Variants in AGMO observed in about 807,000 individuals in gnomAD.
AGMO encodes the protein alkylglycerol monooxygenase, also known as glyceryl-ether monooxygenase.
Under a neutral mutation model 60.2 loss-of-function variants are expected in AGMO, and 75 were observed. The ratio of observed to expected loss-of-function variants is 1.25; its 90% CI spans 1.03 to 1.51. The LOEUF (loss-of-function observed/expected upper bound fraction) is 1.51, where lower values mean the gene tolerates loss of function less well. Ranked by LOEUF, AGMO falls within the 40% of genes most tolerant of loss-of-function variation. AGMO has a pLI of 0.00. For synonymous variants in AGMO, 261 were observed against 177.1 expected (o/e 1.47, Z -3.76); for missense variants, 763 against 525.5 (o/e 1.45, Z -4.42).
At position 15,544,756 on chromosome 7, in the gene AGMO, C is replaced by A; in HGVS notation, c.409+16G>T. On this transcript the variant is annotated intron_variant, in intron 3 of 12. Transcript: ENST00000342526. ...GTTCAACATAAGTTAACAAAAAGTC[C>A]TCATTTGCAGCTTACCATGAGCCAT... The A allele has an allele frequency of 6.4e-7, 1 of 1,553,568 alleles. No homozygotes were observed.
At chr7:15,248,232 CTTCAA>C (rs1157651072) in intron 12 of AGMO, among the ~76,000 whole-genome samples, 1 of 53,128 alleles carries the variant, frequency 1.9e-5, no homozygotes, top group African/African-American at 4.5e-5. Flanking sequence ...ATATCTTCAT[CTTCAA>C]TTCTAGTCTA....
At chr7:15,198,119 T>C (rs1314106162), downstream of AGMO, among the ~76,000 whole-genome samples, 1 of 151,912 alleles carries the variant, frequency 6.6e-6, no homozygotes, top group Non-Finnish European at 1.5e-5. Flanking sequence ...AATATCTTCA[T>C]ATGATTTGCA....
chr7:15,359,850 G>A (rs1782683706), intron 12 of AGMO, among the ~76,000 whole-genome samples: 2 of 152,170 alleles, frequency 1.3e-5, no homozygotes, highest in South Asian at 4.1e-4. Flanking sequence ...CCATATGATA[G>A]TGTATTTGAA....
intron 3 of AGMO, among the ~76,000 whole-genome samples, chr7:15,469,437 T>C (rs912230658): frequency 6.6e-6 from 1 of 152,152 alleles, no homozygotes; most frequent in Non-Finnish European, 1.5e-5. Context: ...ATCTATGTAC[T>C]GTACCATTGA....
chr7:15,184,408 G>GGAGGTAA, the AGMO span, among the ~76,000 whole-genome samples: 1 of 2,908 alleles, frequency 3.4e-4, no homozygotes, highest in African/African-American at 3.6e-3. Flanking sequence ...AGGAAGAAAG[G>GGAGGTAA]GAAGGAAGGA....
At chr7:15,215,613 T>C (rs1781714052) in intron 12 of AGMO, among the ~76,000 whole-genome samples, 1 of 152,138 alleles carries the variant, frequency 6.6e-6, no homozygotes, top group Non-Finnish European at 1.5e-5. Flanking sequence ...TGTATGAATC[T>C]AATTCCTGCT....
the AGMO span, among the ~76,000 whole-genome samples, chr7:15,156,298 G>A: frequency 6.0e-4 from 92 of 152,312 alleles, no homozygotes; most frequent in African/African-American, 2.1e-3. Flanking sequence ...GTGGCTGCTG[G>A]CAAGCTGAGG....
intron 3 of AGMO, among the ~76,000 whole-genome samples, chr7:15,518,060 T>A (rs561404343): frequency 6.6e-6 from 1 of 152,074 alleles, no homozygotes; most frequent in Admixed American, 6.6e-5. Flanking sequence ...AATTTCGGAC[T>A]GGGCGGAGCC....
chr7:15,201,350 A>G lies in AGMO; in HGVS notation c.1273T>C (p.Ser425Pro). 6.2e-7 allele frequency: 1 copy of G among 1,611,878 alleles called. No homozygotes were observed. The highest frequency in any genetic ancestry group is 8.5e-7 in the Non-Finnish European group (1 of 1,178,722). ...ACTCCCCAGAAAGCAATGCAAATGG[A>G]AAAAACAATCTGAAGAAATAAAACA... ...SLSSAFEIVF[S>P]ICIAFWGVRS... The change falls in exon 13 of 13, where the codon TCC becomes CCC. Residue 425 changes from serine to proline, a missense_variant. Physicochemically the swap from Ser to Pro is moderately conservative, Grantham distance 74 (BLOSUM62 -1). Transcript: ENST00000342526.
At chr7:15,359,432 CATTTA>C (rs1448081705) in intron 12 of AGMO, among the ~76,000 whole-genome samples, 1 of 151,790 alleles carries the variant, frequency 6.6e-6, no homozygotes, top group Middle Eastern at 3.2e-3. Flanking sequence ...GAAAACATTT[CATTTA>C]AAAGAAATAT....
At chr7:15,185,123 G>GT in the AGMO span, among the ~76,000 whole-genome samples, 3 of 151,970 alleles carry the variant, frequency 2.0e-5, no homozygotes, top group Non-Finnish European at 2.9e-5. Context: ...ATTTAGGGAA[G>GT]TTTTTTTATA....
intron 3 of AGMO, 57 bp downstream of exon 3, chr7:15,544,708 ATATGTAC>A: frequency 8.0e-7 from 1 of 1,256,612 alleles, no homozygotes; most frequent in Non-Finnish European, 1.1e-6. Context: ...TGTTTACTGA[ATATGTAC>A]TATGTACCAA....
chr7:15,224,277 A>C (rs1438118131), intron 12 of AGMO, among the ~76,000 whole-genome samples: 1 of 152,004 alleles, frequency 6.6e-6, no homozygotes, highest in East Asian at 1.9e-4. Flanking sequence ...ATTTGTGTCC[A>C]CCCTCACAAA....
chr7:15,178,555 T>C, the AGMO span, among the ~76,000 whole-genome samples: 20 of 152,112 alleles, frequency 1.3e-4, no homozygotes, highest in Non-Finnish European at 2.5e-4. Context: ...TGCTGCTTTT[T>C]TTCCTCTATC....
rs1005374391 is a variant in AGMO, at chr7:15,200,682, A to G, written c.*603T>C. 6.6e-6 allele frequency: 1 copy of G among 152,198 alleles called. No individual in the cohort carries two copies. The highest frequency in any genetic ancestry group is 1.5e-5 in the Non-Finnish European group (1 of 68,096). The allele number at this position is 152,198 out of a possible 1,614,324, so 9.4% of individuals were successfully genotyped here. A position where few individuals can be genotyped will look rare whatever the true frequency, so the allele number is the denominator to read the frequency against. On this transcript the variant is annotated 3_prime_UTR_variant, in exon 13 of 13. Coordinates refer to ENST00000342526, the MANE Select transcript of AGMO (RefSeq NM_001004320.2). ...CTAAATTTTTATATTTTTAGTAGAG[A>G]CAGGACTTCACCATGTTGGCCAGGA...
intron 12 of AGMO, among the ~76,000 whole-genome samples, chr7:15,249,010 C>A (rs555698642): frequency 1.3e-5 from 2 of 152,280 alleles, no homozygotes; most frequent in Admixed American, 6.5e-5. Context: ...GTATGGATAA[C>A]CTTCCTTTCC....
chr7:15,204,147 ATG>A (rs1229236018), intron 12 of AGMO, among the ~76,000 whole-genome samples: 1 of 152,100 alleles, frequency 6.6e-6, no homozygotes, highest in Non-Finnish European at 1.5e-5. Context: ...TTTAGAATAT[ATG>A]TGTTTATATA....
intron 12 of AGMO, among the ~76,000 whole-genome samples, chr7:15,241,253 G>A (rs1444438521): frequency 6.6e-6 from 1 of 151,708 alleles, no homozygotes; most frequent in Admixed American, 6.6e-5. Flanking sequence ...GAGGTCAGGA[G>A]ATCGAGACCA....
intron 12 of AGMO, among the ~76,000 whole-genome samples, chr7:15,253,020 T>C (rs1264253059): frequency 1.3e-5 from 2 of 152,164 alleles, no homozygotes; most frequent in Admixed American, 6.5e-5. Context: ...CAAGAACAGA[T>C]TCAAAAGAGT....
Sources: allele counts gnomAD v4.1 joint callset (sites outside exome capture counted in the v4.1 genomes callset), GRCh38; gene constraint gnomAD v4.1.1; transcripts MANE v1.5; gene names NCBI Gene and HGNC (gene_info 2026-07-23, HGNC 2026-07-21).